The following SLC10A7 variants were observed in gnomAD, a reference collection of about 807,000 sequenced individuals.
SLC10A7 encodes the protein sodium/bile acid cotransporter 7.
SLC10A7 carries 29 observed loss-of-function variants against 43.2 expected under a neutral mutation model. That is an observed-to-expected ratio of 0.67 (90% confidence interval 0.50 to 0.92). The LOEUF (loss-of-function observed/expected upper bound fraction) is 0.92, where lower values mean the gene tolerates loss of function less well. Among genes scored for constraint, SLC10A7 ranks in the 40% least tolerant of loss-of-function variants. The pLI is 0.00. For missense variants in SLC10A7, 295 were observed against 403.2 expected (o/e 0.73, Z 2.30); for synonymous variants, 152 against 144.8 (o/e 1.05, Z -0.35).
At chr4:146,320,131 A>G (rs903601250) in intron 6 of SLC10A7, among the ~76,000 whole-genome samples, 6 of 152,084 alleles carry the variant, frequency 3.9e-5, no homozygotes, top group African/African-American at 1.4e-4. Flanking sequence ...TAATTAAAGG[A>G]AAGTAGTAGA....
chr4:146,479,211 C>T (rs765254318), intron 4 of SLC10A7, among the ~76,000 whole-genome samples: 3 of 152,088 alleles, frequency 2.0e-5, no homozygotes, highest in Admixed American at 6.5e-5. Flanking sequence ...AAATACCCAA[C>T]GCACTCATCT....
intron 8 of SLC10A7, 28 bp downstream of exon 8, chr4:146,293,902 A>G (rs1730607391): frequency 3.8e-6 from 6 of 1,580,802 alleles, no homozygotes; most frequent in African/African-American, 1.3e-5. Context: ...ACTGAGGGAT[A>G]GCCAGGCTAT....
At chr4:146,383,401 A>G (rs1348021014) in intron 5 of SLC10A7, among the ~76,000 whole-genome samples, 1 of 152,154 alleles carries the variant, frequency 6.6e-6, no homozygotes, top group Non-Finnish European at 1.5e-5. Context: ...TCATTTGTAC[A>G]GGGTGTACAC....
At chr4:146,329,226 T>A (rs1377884332) in intron 5 of SLC10A7, among the ~76,000 whole-genome samples, 1 of 152,224 alleles carries the variant, frequency 6.6e-6, no homozygotes, top group Non-Finnish European at 1.5e-5. Flanking sequence ...AGAATAGCTG[T>A]TCAGGTTCAT....
chr4:146,423,066 T>C (rs1729071617), intron 5 of SLC10A7, among the ~76,000 whole-genome samples: 1 of 152,102 alleles, frequency 6.6e-6, no homozygotes, highest in African/African-American at 2.4e-5. Context: ...TATAAAAATA[T>C]AGATGAATAA....
intron 5 of SLC10A7, among the ~76,000 whole-genome samples, chr4:146,436,360 GTCT>G (rs969936385): frequency 6.6e-6 from 1 of 152,036 alleles, no homozygotes; most frequent in African/African-American, 2.4e-5. Flanking sequence ...CTATCAGTGG[GTCT>G]TCTTGATTGG....
At chr4:146,431,003 C>A (rs889377010) in intron 5 of SLC10A7, among the ~76,000 whole-genome samples, 3 of 151,974 alleles carry the variant, frequency 2.0e-5, no homozygotes, top group Non-Finnish European at 4.4e-5. Context: ...GTTCATAATC[C>A]TCCAAATAAG....
intron 7 of SLC10A7, among the ~76,000 whole-genome samples, chr4:146,301,694 A>G (rs1001107744): frequency 2.0e-5 from 3 of 152,114 alleles, no homozygotes; most frequent in African/African-American, 7.2e-5. Flanking sequence ...AAACGGTAGG[A>G]TGAAGTGACT....
At chr4:146,428,816 A>G (rs986552797) in intron 5 of SLC10A7, among the ~76,000 whole-genome samples, 4 of 152,194 alleles carry the variant, frequency 2.6e-5, no homozygotes. Flanking sequence ...ATCATTCTCT[A>G]CAATGCTATA....
chr4:146,316,317 A>C (rs1176405525), intron 6 of SLC10A7, among the ~76,000 whole-genome samples: 1 of 152,096 alleles, frequency 6.6e-6, no homozygotes, highest in Non-Finnish European at 1.5e-5. Context: ...TGTGCCCCTA[A>C]AATTTGTATA....
At chr4:146,446,740 T>TTACC (rs1731117614) in intron 4 of SLC10A7, among the ~76,000 whole-genome samples, 2 of 143,712 alleles carry the variant, frequency 1.4e-5, no homozygotes, top group African/African-American at 5.2e-5. Context: ...GTGAGAAGGT[T>TTACC]TATCTATCTA....
chr4:146,469,228 A>G (rs1560938892), intron 4 of SLC10A7, among the ~76,000 whole-genome samples: 2 of 152,208 alleles, frequency 1.3e-5, no homozygotes, highest in Non-Finnish European at 2.9e-5. Flanking sequence ...TGCTCCTAAA[A>G]TAGTAACATA....
At chr4:146,299,936 G>A (rs11735261) in intron 7 of SLC10A7, among the ~76,000 whole-genome samples, 1 of 152,086 alleles carries the variant, frequency 6.6e-6, no homozygotes, top group Non-Finnish European at 1.5e-5. Flanking sequence ...GCCAGGGAGT[G>A]AGGTGAATGA....
chr4:146,496,255 C>T (rs1735890249), intron 4 of SLC10A7, among the ~76,000 whole-genome samples: 1 of 152,118 alleles, frequency 6.6e-6, no homozygotes, highest in South Asian at 2.1e-4. Flanking sequence ...TAAATGTAAG[C>T]TCCTCAAAGT....
chr4:146,441,486 T>C (rs897283876), intron 5 of SLC10A7, among the ~76,000 whole-genome samples: 5 of 152,194 alleles, frequency 3.3e-5, no homozygotes, highest in Non-Finnish European at 5.9e-5. Flanking sequence ...CTTAAGAAGA[T>C]GTTTTGATAG....
intron 4 of SLC10A7, among the ~76,000 whole-genome samples, chr4:146,475,223 A>G (rs573614650): frequency 1.1e-4 from 16 of 152,302 alleles, no homozygotes; most frequent in African/African-American, 3.6e-4. Context: ...CCAGGCTAAA[A>G]TAACTGAGCC....
chr4:146,278,530 A>C (rs1729349407), intron 10 of SLC10A7, among the ~76,000 whole-genome samples: 1 of 152,218 alleles, frequency 6.6e-6, no homozygotes, highest in South Asian at 2.1e-4. Flanking sequence ...TGTTTCTCCT[A>C]AGACAGTTTG....
intron 5 of SLC10A7, among the ~76,000 whole-genome samples, chr4:146,331,166 C>T (rs1733505443): frequency 6.6e-6 from 1 of 152,042 alleles, no homozygotes; most frequent in African/African-American, 2.4e-5. Flanking sequence ...GACGTACACT[C>T]ACCCAGATAA....
intron 10 of SLC10A7, among the ~76,000 whole-genome samples, chr4:146,278,822 G>T (rs746841698): frequency 1.3e-5 from 2 of 152,102 alleles, no homozygotes; most frequent in African/African-American, 4.8e-5. Flanking sequence ...CCAGCTTTTG[G>T]TGAGAGAACT....
Sources: gnomAD v4.1 joint callset for allele counts (sites outside exome capture counted in the v4.1 genomes callset) on GRCh38, gnomAD v4.1.1 for gene constraint, MANE v1.5 for transcripts, NCBI Gene and HGNC (gene_info 2026-07-23, HGNC 2026-07-21) for gene names.